The following STMN2 variants were observed in gnomAD, a reference collection of about 807,000 sequenced individuals.
STMN2 encodes stathmin 2.
A neutral mutation model predicts 24.1 loss-of-function variants in STMN2; 2 were observed. The ratio of observed to expected loss-of-function variants is 0.08; its 90% CI spans 0.03 to 0.26. The LOEUF (loss-of-function observed/expected upper bound fraction) is 0.26. STMN2 is among the 10% of genes least tolerant of loss of function. The pLI, the probability that STMN2 is intolerant of heterozygous loss-of-function variation, is 1.00. For synonymous variants in STMN2, 83 were observed against 77.5 expected (o/e 1.07, Z -0.37); for missense variants, 114 against 213.6 (o/e 0.53, Z 2.91).
chr8:79,634,311 A>T (rs35523281), intron 1 of STMN2, among the ~76,000 whole-genome samples: 16,013 of 152,260 alleles, frequency 0.11, 1,169 homozygotes, highest in Non-Finnish European at 0.16. Context: ...ACACAATTTC[A>T]TTAACTGAAT....
At position 79,636,784 on chromosome 8, in the gene STMN2, T is replaced by G. The variant is rs537659092; in HGVS notation, c.20-18T>G. 7.8e-5 allele frequency: 126 copies of G among 1,609,538 alleles called. No homozygotes were observed. In the South Asian group the frequency reaches 1.2e-3, roughly 15 times the overall value. On this transcript the variant is annotated intron_variant, in intron 1 of 4. Transcript: ENST00000220876. The stretch of plus-strand genomic sequence containing the variant: ...TCAGAAAAAATGAAATATACTAATC[T>G]TCAGCTTTTCATTTCAGCCTACAAG...
intron 1 of STMN2, among the ~76,000 whole-genome samples, chr8:79,631,642 G>C (rs1204507262): frequency 6.6e-6 from 1 of 152,102 alleles, no homozygotes; most frequent in African/African-American, 2.4e-5. Context: ...AACCGATATA[G>C]TATGTAAGAA....
At chr8:79,660,292 G>A (rs1325078640) in intron 4 of STMN2, among the ~76,000 whole-genome samples, 1 of 152,084 alleles carries the variant, frequency 6.6e-6, no homozygotes, top group African/African-American at 2.4e-5. Flanking sequence ...TCTTTCTTTT[G>A]TAATTCTACC....
intron 3 of STMN2, among the ~76,000 whole-genome samples, chr8:79,645,273 C>A (rs1384906601): frequency 3.3e-5 from 5 of 152,006 alleles, no homozygotes; most frequent in African/African-American, 1.2e-4. Flanking sequence ...ATTCTTCACC[C>A]AATATATTCA....
intron 3 of STMN2, among the ~76,000 whole-genome samples, chr8:79,645,950 ACTTGT>A (rs1171475377): frequency 3.3e-5 from 5 of 152,200 alleles, no homozygotes; most frequent in African/African-American, 9.7e-5. Context: ...TGAAGATAGA[ACTTGT>A]CTTTTGTTTA....
chr8:79,647,602 C>A (rs1810245319), intron 3 of STMN2, among the ~76,000 whole-genome samples: 1 of 152,212 alleles, frequency 6.6e-6, no homozygotes, highest in African/African-American at 2.4e-5. Flanking sequence ...GACACTATTG[C>A]AGCACTGACC....
At chr8:79,650,589 A>G (rs1410133589) in intron 3 of STMN2, among the ~76,000 whole-genome samples, 1 of 152,184 alleles carries the variant, frequency 6.6e-6, no homozygotes, top group African/African-American at 2.4e-5. Context: ...AGATTAAACT[A>G]TGTTCATGTG....
At chr8:79,642,777 T>G (rs1317058249) in intron 3 of STMN2, among the ~76,000 whole-genome samples, 2 of 151,670 alleles carry the variant, frequency 1.3e-5, no homozygotes, top group Non-Finnish European at 2.9e-5. Flanking sequence ...AAAACACTAA[T>G]CTTTGTAGTT....
intron 1 of STMN2, among the ~76,000 whole-genome samples, chr8:79,614,539 G>T (rs949651782): frequency 6.6e-6 from 1 of 152,236 alleles, no homozygotes; most frequent in African/African-American, 2.4e-5. Context: ...CTCTGTCCCA[G>T]TGTAACACGT....
intron 3 of STMN2, among the ~76,000 whole-genome samples, chr8:79,645,442 G>A (rs919600012): frequency 6.6e-6 from 1 of 152,012 alleles, no homozygotes; most frequent in Non-Finnish European, 1.5e-5. Context: ...GTAGCCAAAG[G>A]CAGCCAGTAG....
At chr8:79,618,416 T>A (rs1322127967) in intron 1 of STMN2, among the ~76,000 whole-genome samples, 1 of 152,212 alleles carries the variant, frequency 6.6e-6, no homozygotes, top group Admixed American at 6.5e-5. Context: ...CCCATCATGG[T>A]TAGCACATTT....
At chr8:79,645,224 T>C (rs1489879148) in intron 3 of STMN2, among the ~76,000 whole-genome samples, 1 of 152,210 alleles carries the variant, frequency 6.6e-6, no homozygotes, top group Non-Finnish European at 1.5e-5. Flanking sequence ...AGCCACATTT[T>C]TTAAAATAAA....
At chr8:79,649,268 T>C (rs1167636127) in intron 3 of STMN2, among the ~76,000 whole-genome samples, 1 of 151,722 alleles carries the variant, frequency 6.6e-6, no homozygotes, top group East Asian at 1.9e-4. Flanking sequence ...ATATGGCACG[T>C]GGGCCACAGA....
At chr8:79,635,903 T>C (rs570843045) in intron 1 of STMN2, among the ~76,000 whole-genome samples, 1 of 151,386 alleles carries the variant, frequency 6.6e-6, no homozygotes, top group African/African-American at 2.4e-5. Context: ...AAAATAAAAC[T>C]TGAAATTAAA....
chr8:79,622,945 T>C (rs1302290624), intron 1 of STMN2, among the ~76,000 whole-genome samples: 2 of 152,172 alleles, frequency 1.3e-5, no homozygotes, highest in Non-Finnish European at 2.9e-5. Flanking sequence ...ATCACCTGAC[T>C]GTGCACAATA....
intron 4 of STMN2, among the ~76,000 whole-genome samples, chr8:79,657,197 A>C (rs921600775): frequency 1.3e-5 from 2 of 152,132 alleles, no homozygotes; most frequent in African/African-American, 4.8e-5. Context: ...CTTGATTTCA[A>C]TTGTAAAATA....
At chr8:79,642,092 A>G (rs1810113014) in intron 3 of STMN2, among the ~76,000 whole-genome samples, 1 of 152,130 alleles carries the variant, frequency 6.6e-6, no homozygotes, top group Admixed American at 6.5e-5. Flanking sequence ...TTTCCTCTTC[A>G]GAGTCCCACT....
rs199700735 is a variant in STMN2 at position 79,636,796 on chromosome 8, T to C, written c.20-6T>C. 5.4e-5 allele frequency: 87 copies of C among 1,613,130 alleles called. No individual in the cohort carries two copies. The Admixed American group carries it at 9.2e-4, about 17-fold the overall frequency. ...AAATATACTAATCTTCAGCTTTTCA[T>C]TTCAGCCTACAAGGAAAAAATGAAG... On this transcript the variant is annotated splice_region_variant and splice_polypyrimidine_tract_variant and intron_variant, in intron 1 of 4. Coordinates refer to ENST00000220876, the MANE Select transcript of STMN2 (RefSeq NM_007029.4).
intron 1 of STMN2, among the ~76,000 whole-genome samples, chr8:79,615,787 G>A (rs1809370007): frequency 6.6e-6 from 1 of 152,180 alleles, no homozygotes; most frequent in Admixed American, 6.5e-5. Flanking sequence ...AAGGAGACAG[G>A]ATGAAATGAG....
Sources: allele counts gnomAD v4.1 joint callset (sites outside exome capture counted in the v4.1 genomes callset), GRCh38; gene constraint gnomAD v4.1.1; transcripts MANE v1.5; gene names NCBI Gene and HGNC (gene_info 2026-07-23, HGNC 2026-07-21).